Variants in C1orf87 observed in about 807,000 individuals in gnomAD.
C1orf87 encodes chromosome 1 open reading frame 87.
A neutral mutation model predicts 60.5 loss-of-function variants in C1orf87; 58 were observed. That is an observed-to-expected ratio of 0.96 (90% CI 0.78 to 1.19). The LOEUF (loss-of-function observed/expected upper bound fraction) is 1.19. Among genes scored for constraint, C1orf87 ranks in the 50% most tolerant of loss-of-function variants. The pLI is 0.00. For missense variants in C1orf87, 673 were observed against 638.6 expected (o/e 1.05, Z -0.58); for synonymous variants, 236 against 227.4 (o/e 1.04, Z -0.34).
At chr1:60,072,473 A>G in intron 2 of C1orf87, 64 bp downstream of exon 2, 2 of 1,320,842 alleles carry the variant, frequency 1.5e-6, no homozygotes, top group Non-Finnish European at 2.1e-6. Flanking sequence ...TTCTGGGTGA[A>G]AACAAAACAA....
chr1:59,991,393 G>A (rs745929961), intron 11 of C1orf87, among the ~76,000 whole-genome samples: 1 of 152,160 alleles, frequency 6.6e-6, no homozygotes, highest in African/African-American at 2.4e-5. Context: ...AGTAGTATTT[G>A]CATGTAACCT....
intron 2 of C1orf87, among the ~76,000 whole-genome samples, chr1:60,064,322 A>T: frequency 7.0e-6 from 1 of 142,962 alleles, no homozygotes. Flanking sequence ...TATAAATTAT[A>T]TATTATATAT....
rs926180500 is a variant in C1orf87, at chr1:60,041,331, C to T, written c.343-200G>A. 7.2e-5 allele frequency among the ~76,000 whole-genome samples: 11 copies of T among 152,240 alleles called. No homozygotes were observed. In the East Asian group the frequency reaches 1.2e-3, roughly 16 times the overall value. ...CCTTCATACCAATTTCAGCATTATA[C>T]GCTTGACACATGTTAGATAAATATA... On this transcript the variant is annotated intron_variant, in intron 3 of 11. Transcript: ENST00000371201.
chr1:60,033,688 A>T, intron 6 of C1orf87, 47 bp from the exon 7 acceptor site: 3 of 1,573,358 alleles, frequency 1.9e-6, no homozygotes, highest in Non-Finnish European at 2.6e-6. Context: ...TTATCCACCC[A>T]AGGCAGCTGC....
intron 3 of C1orf87, among the ~76,000 whole-genome samples, chr1:60,053,427 A>G (rs1223788229): frequency 6.6e-6 from 1 of 152,144 alleles, no homozygotes; most frequent in Non-Finnish European, 1.5e-5. Context: ...GGTGCTTGGG[A>G]ATAGTAAATT....
chr1:60,011,411 C>A (rs1645084255), intron 8 of C1orf87, among the ~76,000 whole-genome samples: 1 of 151,870 alleles, frequency 6.6e-6, no homozygotes, highest in South Asian at 2.1e-4. Context: ...TAGTTAATCT[C>A]AATCTATTTA....
Position 60,055,209 on chromosome 1 carries a change from C to T in C1orf87, c.337G>A (p.Gly113Ser). The T allele has an allele frequency of 6.2e-6, 10 of 1,611,230 alleles. No individual in the cohort carries two copies. Among genetic ancestry groups the T allele is most frequent in the Non-Finnish European group, 8.5e-6 (10 of 1,177,562 alleles). Residue 113 changes from glycine (G) to serine (S), a missense_variant, in exon 3 of 12, where the codon GGC (glycine) becomes AGC (serine). Coordinates refer to ENST00000371201, the MANE Select transcript of C1orf87 (RefSeq NM_152377.3). Reference sequence around the variant, plus strand: ...GGGTATTTTTTGTCACTCACATTGCCATCCAGGAATCTGCTACTGTTTGCC... The same window carrying T: ...GGGTATTTTTTGTCACTCACATTGCTATCCAGGAATCTGCTACTGTTTGCC... ...TGANSSRFLD[G>S]NIPSQANVHC...
intron 7 of C1orf87, among the ~76,000 whole-genome samples, chr1:60,027,319 G>C (rs905687155): frequency 2.0e-5 from 3 of 152,234 alleles, no homozygotes; most frequent in African/African-American, 7.2e-5. Flanking sequence ...GCCAAGTACA[G>C]AGCCTGCTGG....
At chr1:60,016,483 C>T (rs1262882951) in intron 8 of C1orf87, among the ~76,000 whole-genome samples, 1 of 152,190 alleles carries the variant, frequency 6.6e-6, no homozygotes, top group Non-Finnish European at 1.5e-5. Flanking sequence ...TTCCACCTTT[C>T]AGTTAACTGG....
At chr1:60,011,437 T>C (rs1234160565) in intron 8 of C1orf87, among the ~76,000 whole-genome samples, 1 of 151,410 alleles carries the variant, frequency 6.6e-6, no homozygotes. Context: ...TCCTCCCTTC[T>C]TCCCTCCCTC....
At chr1:60,022,363 T>A (rs1451737447) in intron 8 of C1orf87, among the ~76,000 whole-genome samples, 1 of 151,996 alleles carries the variant, frequency 6.6e-6, no homozygotes, top group African/African-American at 2.4e-5. Flanking sequence ...AGATTCTGGA[T>A]ATGAGTTGAT....
In C1orf87 at chr1:59,990,734, C is replaced by G; in HGVS notation, c.1580G>C (p.Arg527Thr). The G allele has an allele frequency of 6.2e-7, 1 of 1,614,092 alleles. No individual in the cohort carries two copies. The highest frequency in any genetic ancestry group is 2.2e-5 in the East Asian group (1 of 44,884). Residue 527 changes from arginine to threonine, a missense_variant, in exon 12 of 12, where the codon AGA (arginine) becomes ACA (threonine). Coordinates refer to ENST00000371201, the MANE Select transcript of C1orf87 (RefSeq NM_152377.3). ...SPQKIDQALR[R>T]FRSGENMLLE... ...GAGCATATTTTCTCCCGAACGGAAT[C>G]TGCGCAAGGCCTGGTCGATTTTCTG...
At chr1:60,073,025 G>A (rs1359809080) in intron 1 of C1orf87, among the ~76,000 whole-genome samples, 1 of 152,154 alleles carries the variant, frequency 6.6e-6, no homozygotes, top group Non-Finnish European at 1.5e-5. Context: ...ATTCCAGTGA[G>A]GTCAGAGCAG....
rs754379675 is a variant in C1orf87 at position 59,997,803 on chromosome 1, T to A, written c.1286A>T (p.Glu429Val). The A allele has an allele frequency of 1.2e-6, 2 of 1,613,396 alleles. No homozygotes were observed. Among genetic ancestry groups the A allele is most frequent in the Non-Finnish European group, 1.7e-6 (2 of 1,179,742 alleles). Reference sequence around the variant, plus strand: ...AGGAGAGCTTTCTGGCTGCAGCTCCTCTTCTGGAGTTTTCTACCAAAACAA... The same window carrying A: ...AGGAGAGCTTTCTGGCTGCAGCTCCACTTCTGGAGTTTTCTACCAAAACAA... The part of the protein sequence containing the change: ...SKTEHMKTPE[E>V]ELQPESSPAE... The change falls in exon 11 of 12, where the codon GAG (glutamate) becomes GTG (valine). Residue 429 changes from glutamate to valine, a missense_variant. Transcript: ENST00000371201.
intron 9 of C1orf87, among the ~76,000 whole-genome samples, chr1:60,003,159 A>G (rs1310929038): frequency 6.7e-6 from 1 of 148,948 alleles, no homozygotes; most frequent in Admixed American, 6.7e-5. Flanking sequence ...TGATGAGTTC[A>G]TGTCCTTTGT....
At chr1:60,049,804 G>C (rs1645400673) in intron 3 of C1orf87, among the ~76,000 whole-genome samples, 1 of 152,074 alleles carries the variant, frequency 6.6e-6, no homozygotes. Context: ...ATGAGGAATA[G>C]ACCCAACTTA....
intron 2 of C1orf87, among the ~76,000 whole-genome samples, chr1:60,059,696 A>C (rs1424734394): frequency 6.6e-6 from 1 of 152,164 alleles, no homozygotes; most frequent in Non-Finnish European, 1.5e-5. Flanking sequence ...ATAAAATCTC[A>C]AATGAAGGAC....
intron 8 of C1orf87, among the ~76,000 whole-genome samples, chr1:60,023,291 C>T (rs1165988009): frequency 3.9e-5 from 6 of 152,082 alleles, no homozygotes; most frequent in African/African-American, 1.4e-4. Flanking sequence ...TTCTTCTCTT[C>T]ATCCCTCTCT....
chr1:60,058,078 A>G (rs1645469528), intron 2 of C1orf87, among the ~76,000 whole-genome samples: 1 of 152,234 alleles, frequency 6.6e-6, no homozygotes, highest in Non-Finnish European at 1.5e-5. Context: ...TTTTGCAATG[A>G]GAGAAGACAT....
Sources: gnomAD v4.1 joint callset for allele counts (sites outside exome capture counted in the v4.1 genomes callset) on GRCh38, gnomAD v4.1.1 for gene constraint, MANE v1.5 for transcripts, NCBI Gene and HGNC (gene_info 2026-07-23, HGNC 2026-07-21) for gene names.